Variants in APBB2 observed in about 807,000 individuals in gnomAD.
APBB2 encodes Fe65-like 1.
In APBB2, 38 loss-of-function variants were observed where a neutral mutation model predicts 82.5. That is an observed-to-expected ratio of 0.46 (90% CI 0.36 to 0.60). The LOEUF (loss-of-function observed/expected upper bound fraction) is 0.60, where lower values mean the gene tolerates loss of function less well. Ranked by LOEUF, APBB2 falls within the 20% of genes least tolerant of loss-of-function variation. The pLI is 0.00. For synonymous variants in APBB2, 341 were observed against 368.2 expected, an observed-to-expected ratio of 0.93 and a Z score of 0.85; for missense variants, 772 against 972.3, an observed-to-expected ratio of 0.79 and a Z score of 2.74.
intron 6 of APBB2, among the ~76,000 whole-genome samples, chr4:41,005,553 G>A (rs1326711990): frequency 6.6e-6 from 1 of 152,186 alleles, no homozygotes; most frequent in Non-Finnish European, 1.5e-5. Context: ...CTTGGGGGCT[G>A]CATGCCCACC....
Position 40,890,431 on chromosome 4 carries a change from G to A in APBB2, c.1462C>T (p.Arg488Cys), listed in dbSNP as rs567448585. 7 of 1,614,064 alleles carry A rather than the reference G, an allele frequency of 4.3e-6. No homozygotes were observed. The highest frequency in any genetic ancestry group is 2.2e-5 in the East Asian group (1 of 44,880). The change falls in exon 12 of 18, where the codon CGC (arginine) becomes TGC (cysteine). Residue 488 changes from arginine (R) to cysteine (C), a missense_variant. Arg to Cys is a radical substitution (Grantham distance 180, BLOSUM62 -3). Coordinates refer to ENST00000508593, the MANE Select transcript of APBB2 (RefSeq NM_004307.2). Reference protein sequence around the residue: ...DMLSLVDPMDRSVLHSQPIVS... With the variant: ...DMLSLVDPMDCSVLHSQPIVS... ...ATGGGCTGCGAGTGCAGCACGCTGC[G>A]GTCCATGGGGTCCACCAGGCTGAGC...
In APBB2 at chr4:41,014,044, G is replaced by C. The variant is rs778442118; in HGVS notation, c.374C>G (p.Thr125Ser). The C allele has an allele frequency of 6.2e-7, 1 of 1,614,208 alleles. No individual in the cohort carries two copies. Among genetic ancestry groups the C allele is most frequent in the South Asian group, 1.1e-5 (1 of 91,090 alleles). ...QQDPNKNLSP[T>S]AVINITSEKL... ...CTCAGAAGTTATGTTGATGACTGCA[G>C]TGGGGCTCAGGTTTTTGTTGGGGTC... is the stretch of plus-strand genomic sequence containing the variant. Residue 125 changes from threonine to serine, a missense_variant, in exon 6 of 18, where the codon ACT becomes AGT. Thr to Ser is a moderately conservative substitution (Grantham distance 58). Coordinates refer to ENST00000508593, the MANE Select transcript of APBB2 (RefSeq NM_004307.2).
chr4:41,087,163 G>T lies in APBB2; in HGVS notation c.-149+13476C>A, dbSNP rs572948104. The stretch of plus-strand genomic sequence containing the variant: ...TCTAAAAAATAAATAAATAAATATT[G>T]ATTACATAAAAATGAATGGAAAGAC... On this transcript the variant is annotated intron_variant, in intron 3 of 17. Coordinates refer to ENST00000508593, the MANE Select transcript of APBB2 (RefSeq NM_004307.2). Among the ~76,000 whole-genome samples the T allele has an allele frequency of 3.9e-5, 6 of 152,118 alleles. No homozygotes were observed. In the East Asian group the frequency reaches 9.7e-4, roughly 24 times the overall value.
At chr4:41,086,888 C>T (rs186882087) in intron 3 of APBB2, among the ~76,000 whole-genome samples, 1 of 151,082 alleles carries the variant, frequency 6.6e-6, no homozygotes, top group East Asian at 1.9e-4. Flanking sequence ...TTGCAGATGA[C>T]ATAATCTCAT....
At chr4:40,980,940 A>G (rs1417161104) in intron 6 of APBB2, among the ~76,000 whole-genome samples, 6 of 152,184 alleles carry the variant, frequency 3.9e-5, no homozygotes, top group South Asian at 2.1e-4. Context: ...CTTGTTAACA[A>G]TGAAGATTCT....
chr4:40,831,410 A>G (rs1455371000), intron 12 of APBB2, among the ~76,000 whole-genome samples: 1 of 142,252 alleles, frequency 7.0e-6, no homozygotes, highest in Non-Finnish European at 1.5e-5. Flanking sequence ...CTGAAAAAAA[A>G]CAAAAAAAAA....
intron 15 of APBB2, among the ~76,000 whole-genome samples, chr4:40,825,022 C>T (rs181629288): frequency 1.2e-4 from 18 of 152,314 alleles, no homozygotes; most frequent in Admixed American, 4.6e-4. Flanking sequence ...GCTTCATCCA[C>T]GCTACAGCGC....
At chr4:41,044,444 T>C (rs1313428831) in intron 4 of APBB2, among the ~76,000 whole-genome samples, 3 of 152,218 alleles carry the variant, frequency 2.0e-5, no homozygotes, top group African/African-American at 2.4e-5. Flanking sequence ...ATTTATTATC[T>C]TGAGATGTCC....
At chr4:41,104,962 T>C (rs1746674618) in intron 2 of APBB2, among the ~76,000 whole-genome samples, 2 of 152,218 alleles carry the variant, frequency 1.3e-5, no homozygotes. Flanking sequence ...TAGCAGCATA[T>C]TTAAGTGATG....
chr4:40,959,409 T>C (rs1164479814), intron 6 of APBB2, among the ~76,000 whole-genome samples: 1 of 152,218 alleles, frequency 6.6e-6, no homozygotes, highest in East Asian at 1.9e-4. Context: ...TGGCAGGATC[T>C]TCAATATGCT....
rs1491119318 is a variant in APBB2, at chr4:40,832,009, T to TACACACACACACACACACACAC, written c.1530-1433_1530-1432insGTGTGTGTGTGTGTGTGTGTGT. Among the ~76,000 whole-genome samples the TACACACACACACACACACACAC allele has an allele frequency of 3.9e-4, 3 of 7,632 alleles. No individual in the cohort carries two copies. The highest frequency in any genetic ancestry group is 1.3e-3 in the African/African-American group (2 of 1,570). The allele number at this position is 7,632 out of a possible 152,430, so 5.0% of individuals were successfully genotyped here. Reference sequence around the variant, plus strand: ...ACACACACATATTTATATATTTATTTATATACACACACACACACACACACA... The same window carrying TACACACACACACACACACACAC: ...ACACACACATATTTATATATTTATTTACACACACACACACACACACACATATACACACACACACACACACACA... On this transcript the variant is annotated intron_variant, in intron 12 of 17. Transcript: ENST00000508593. The surrounding 1 kb of genome is among the most constrained non-coding windows in gnomAD (Gnocchi z 4.8).
chr4:41,076,709 C>A (rs1236092970), intron 3 of APBB2, among the ~76,000 whole-genome samples: 3 of 152,108 alleles, frequency 2.0e-5, no homozygotes, highest in Admixed American at 1.3e-4. Flanking sequence ...AAGATGAACA[C>A]CAAGCATGTG....
intron 17 of APBB2, among the ~76,000 whole-genome samples, chr4:40,817,862 T>C (rs1228129460): frequency 6.6e-6 from 1 of 152,154 alleles, no homozygotes; most frequent in Non-Finnish European, 1.5e-5. Flanking sequence ...GTCTCCTCTG[T>C]GTAAGGTATT....
intron 10 of APBB2, among the ~76,000 whole-genome samples, chr4:40,908,510 C>T (rs889505548): frequency 6.6e-6 from 1 of 152,096 alleles, no homozygotes; most frequent in South Asian, 2.1e-4. Context: ...CCCCAGGCCA[C>T]ACCTATAATG....
At chr4:41,206,101 C>T (rs1777861134) in intron 1 of APBB2, among the ~76,000 whole-genome samples, 1 of 152,168 alleles carries the variant, frequency 6.6e-6, no homozygotes, top group African/African-American at 2.4e-5. Flanking sequence ...AACTGTCCTG[C>T]TTAAGAACTA....
chr4:41,033,004 C>T (rs1717590157), intron 5 of APBB2, among the ~76,000 whole-genome samples: 1 of 151,576 alleles, frequency 6.6e-6, no homozygotes, highest in Admixed American at 6.6e-5. Context: ...AGGATGGTCT[C>T]GATCTCCTGA....
intron 12 of APBB2, among the ~76,000 whole-genome samples, chr4:40,851,219 C>G (rs1191849140): frequency 6.6e-6 from 1 of 152,188 alleles, no homozygotes; most frequent in East Asian, 1.9e-4. Context: ...ACTCCCAGGG[C>G]TGGCTAGAAA....
intron 1 of APBB2, among the ~76,000 whole-genome samples, chr4:41,163,645 G>C (rs1422099690): frequency 6.6e-6 from 1 of 152,112 alleles, no homozygotes; most frequent in Non-Finnish European, 1.5e-5. Flanking sequence ...GGGCATCCTG[G>C]ACATCTTGAC....
intron 12 of APBB2, among the ~76,000 whole-genome samples, chr4:40,882,046 G>A (rs1209090877): frequency 1.3e-5 from 2 of 151,436 alleles, no homozygotes; most frequent in Admixed American, 6.6e-5. Flanking sequence ...GTGAGTGGCT[G>A]TCTCCTTCAG....
Sources: allele counts gnomAD v4.1 joint callset (sites outside exome capture counted in the v4.1 genomes callset), GRCh38; gene constraint gnomAD v4.1.1; non-coding constraint Gnocchi (gnomAD v3.1); transcripts MANE v1.5; gene names NCBI Gene and HGNC (gene_info 2026-07-23, HGNC 2026-07-21).